GFRA2: variants seen among roughly 807,000 people sequenced by gnomAD.
GFRA2 encodes the protein GDNF family receptor alpha-2.
In GFRA2, 17 loss-of-function variants were observed where a neutral mutation model predicts 48.3. The ratio of observed to expected loss-of-function variants is 0.35; its 90% CI spans 0.24 to 0.53. The LOEUF (loss-of-function observed/expected upper bound fraction) is 0.53, where lower values mean the gene tolerates loss of function less well. Ranked by LOEUF, GFRA2 falls within the 20% of genes least tolerant of loss-of-function variation. The pLI is 0.93. For synonymous variants in GFRA2, 305 were observed against 257.2 expected, an observed-to-expected ratio of 1.19 and a Z score of -1.78; for missense variants, 660 against 637.3, an observed-to-expected ratio of 1.04 and a Z score of -0.38.
chr8:21,812,134 G>A (rs887569676), intron 1 of GFRA2: 2 of 152,226 alleles, frequency 1.3e-5, no homozygotes, highest in African/African-American at 2.4e-5. Flanking sequence ...CTTGGAGACC[G>A]GGTAGATCCC....
At chr8:21,758,315 G>C (rs2117629299) in intron 3 of GFRA2, among the ~76,000 whole-genome samples, 1 of 152,188 alleles carries the variant, frequency 6.6e-6, no homozygotes, top group South Asian at 2.1e-4. Context: ...CCCTTCAACT[G>C]TTTCATCCCC....
chr8:21,776,866 A>C (rs796166571), intron 2 of GFRA2, among the ~76,000 whole-genome samples: 26 of 151,898 alleles, frequency 1.7e-4, no homozygotes, highest in African/African-American at 6.0e-4. Context: ...CCTCCACCCC[A>C]CCTACTGGCA....
intron 4 of GFRA2, among the ~76,000 whole-genome samples, chr8:21,729,733 C>T (rs1039346883): frequency 4.6e-5 from 7 of 152,128 alleles, no homozygotes; most frequent in East Asian, 1.9e-4. Context: ...CCAAAGAATC[C>T]GCACACTGAG....
chr8:21,712,890 G>A (rs970544016), intron 4 of GFRA2, among the ~76,000 whole-genome samples: 6 of 152,132 alleles, frequency 3.9e-5, no homozygotes, highest in East Asian at 3.9e-4. Flanking sequence ...GCCTGCAATC[G>A]CAGGCACTCG....
chr8:21,699,638 A>G (rs1431467485), intron 7 of GFRA2, among the ~76,000 whole-genome samples: 2 of 152,124 alleles, frequency 1.3e-5, no homozygotes, highest in Non-Finnish European at 2.9e-5. Context: ...CCATCATAAG[A>G]CCACGAGTCT....
intron 3 of GFRA2, among the ~76,000 whole-genome samples, chr8:21,761,640 T>G (rs1805916351): frequency 1.3e-5 from 2 of 152,200 alleles, no homozygotes; most frequent in African/African-American, 4.8e-5. Flanking sequence ...ACACAGGCAA[T>G]AAATGCTTGT....
intron 4 of GFRA2, 89 bp from the exon 5 acceptor site, chr8:21,706,130 C>T: frequency 1.2e-6 from 1 of 802,602 alleles, no homozygotes; most frequent in Non-Finnish European, 2.1e-6. Flanking sequence ...GCATCTCCTC[C>T]CTGCAGCTTC....
At chr8:21,809,743 G>A (rs1807943499) in intron 1 of GFRA2, among the ~76,000 whole-genome samples, 3 of 152,308 alleles carry the variant, frequency 2.0e-5, no homozygotes, top group Admixed American at 2.0e-4. Context: ...GCTGCCAATG[G>A]CTCTTGAGTT....
intron 1 of GFRA2, chr8:21,784,421 T>G (rs1807165234): frequency 2.3e-6 from 1 of 441,246 alleles, no homozygotes; most frequent in Non-Finnish European, 4.6e-6. Context: ...AGAAGTCCCC[T>G]CCTCAATACC....
intron 3 of GFRA2, 29 bp downstream of exon 3, chr8:21,774,943 G>A (rs1225856161): frequency 1.1e-5 from 14 of 1,291,320 alleles, no homozygotes; most frequent in East Asian, 9.3e-5. Flanking sequence ...AGAGGAGAAC[G>A]GGCCAAGTCC....
At chr8:21,735,901 G>C (rs1328179161) in intron 4 of GFRA2, among the ~76,000 whole-genome samples, 2 of 151,964 alleles carry the variant, frequency 1.3e-5, no homozygotes, top group Non-Finnish European at 2.9e-5. Flanking sequence ...TTGAACTCCT[G>C]CCTCCCTCTT....
intron 7 of GFRA2, among the ~76,000 whole-genome samples, chr8:21,695,001 A>G (rs1802085237): frequency 6.6e-6 from 1 of 152,214 alleles, no homozygotes; most frequent in South Asian, 2.1e-4. Flanking sequence ...AGGGCTCTAT[A>G]TAAAAAGATC....
chr8:21,759,006 C>T (rs1291313481), intron 3 of GFRA2, among the ~76,000 whole-genome samples: 1 of 152,176 alleles, frequency 6.6e-6, no homozygotes, highest in Non-Finnish European at 1.5e-5. Flanking sequence ...CATGCCAGGC[C>T]CTAAAATCCA....
At chr8:21,799,304 G>A (rs1271363281) in intron 2 of GFRA2, among the ~76,000 whole-genome samples, 3 of 150,720 alleles carry the variant, frequency 2.0e-5, no homozygotes, top group Non-Finnish European at 4.4e-5. Context: ...TGTAAGCTCC[G>A]CCTCCTGGGT....
At chr8:21,717,740 T>C (rs953976563) in intron 4 of GFRA2, among the ~76,000 whole-genome samples, 9 of 152,180 alleles carry the variant, frequency 5.9e-5, no homozygotes, top group Admixed American at 5.9e-4. Flanking sequence ...TTTCCTGGGC[T>C]GCTCCAGATC....
chr8:21,784,338 C>T (rs1339752330), intron 1 of GFRA2: 1 of 456,090 alleles, frequency 2.2e-6, no homozygotes, highest in Non-Finnish European at 4.4e-6. Flanking sequence ...ACTGCCCTTT[C>T]CTGGACCGAA....
chr8:21,704,869 G>A (rs1802659353), intron 6 of GFRA2, 116 bp downstream of exon 6: 13 of 835,400 alleles, frequency 1.6e-5, no homozygotes. Context: ...ACCCATGGCG[G>A]AGAAGCCTCA....
intron 4 of GFRA2, among the ~76,000 whole-genome samples, chr8:21,746,780 C>T (rs879604220): frequency 2.0e-5 from 3 of 151,266 alleles, no homozygotes; most frequent in Non-Finnish European, 2.9e-5. Context: ...CCTAGCTTCC[C>T]CCACCTCCAG....
intron 4 of GFRA2, among the ~76,000 whole-genome samples, chr8:21,718,905 G>A (rs1803463288): frequency 8.0e-6 from 1 of 125,304 alleles, no homozygotes; most frequent in African/African-American, 3.2e-5. Context: ...CCCCAACTCT[G>A]CCCAGCCCCC....
Sources: allele counts gnomAD v4.1 joint callset (sites outside exome capture counted in the v4.1 genomes callset), GRCh38; gene constraint gnomAD v4.1.1; transcripts MANE v1.5; gene names NCBI Gene and HGNC (gene_info 2026-07-23, HGNC 2026-07-21).